CHD4: variants seen among roughly 807,000 people sequenced by gnomAD.
The protein encoded by CHD4 is ATP-dependent chromatin remodeler CHD4.
CHD4 carries 35 observed loss-of-function variants against 235.5 expected under a neutral mutation model. That is an observed-to-expected ratio of 0.15 (90% CI 0.11 to 0.20). CHD4 has a LOEUF of 0.20. Ranked by LOEUF, CHD4 falls within the 10% of genes least tolerant of loss-of-function variation. The pLI is 1.00. For synonymous variants in CHD4, 900 were observed against 850.2 expected (o/e 1.06, Z -1.02); for missense variants, 1,329 against 2,432.3 (o/e 0.55, Z 9.54).
Position 6,602,015 on chromosome 12 carries a change from C to T in CHD4, c.383G>A (p.Ser128Asn). ...CTCCTCCTCCTTCCGCTTGGATTTGCTCTTCTTCTCTTTCTTAGGTCCAAG... is the reference window on the plus strand; with the variant it reads ...CTCCTCCTCCTTCCGCTTGGATTTGTTCTTCTTCTCTTTCTTAGGTCCAAG... Reference protein sequence around the residue: ...KKLGPKKEKKSKSKRKEEEEE... With the variant: ...KKLGPKKEKKNKSKRKEEEEE... The change falls in exon 4 of 40, where the codon AGC becomes AAC. Residue 128 changes from serine (S) to asparagine (N), a missense_variant. By Grantham distance (46) the Ser-to-Asn change is conservative. Coordinates refer to ENST00000544040, the MANE Select transcript of CHD4 (RefSeq NM_001273.5). 2 of 1,611,748 alleles carry T rather than the reference C, an allele frequency of 1.2e-6. No individual in the cohort carries two copies. Among genetic ancestry groups the T allele is most frequent in the Non-Finnish European group, 1.7e-6 (2 of 1,179,934 alleles).
intron 38 of CHD4, 140 bp from the exon 39 acceptor site, chr12:6,571,172 C>T (rs898251843): frequency 1.0e-6 from 1 of 997,484 alleles, no homozygotes; most frequent in Non-Finnish European, 1.5e-6. Flanking sequence ...CTGACCTCCA[C>T]CATGTTCAAA....
chr12:6,587,613 G>A (rs1328889739), intron 24 of CHD4, 54 bp from the exon 25 acceptor site: 1 of 1,607,974 alleles, frequency 6.2e-7, no homozygotes, highest in Non-Finnish European at 8.5e-7. Flanking sequence ...AGCTGCAGTG[G>A]AAAAAGCAAG....
chr12:6,602,321 T>G, intron 3 of CHD4, 55 bp downstream of exon 3: 1 of 1,609,834 alleles, frequency 6.2e-7, no homozygotes, highest in African/African-American at 1.3e-5. Flanking sequence ...TCAACCCTTC[T>G]CAGAGCTCCT....
At chr12:6,592,084 T>G in intron 19 of CHD4, 27 bp from the exon 20 acceptor site, 2 of 1,613,660 alleles carry the variant, frequency 1.2e-6, no homozygotes, top group Non-Finnish European at 1.7e-6. Flanking sequence ...GAAAGACAGG[T>G]TAGACTTGAG....
Position 6,587,890 on chromosome 12 carries a change from C to T in CHD4, c.3525G>A (p.Val1175=), listed in dbSNP as rs1302476655. ...QNKKVMIYRF[V]TRASVEERIT... is the part of the protein sequence containing the mutation. ...TGCGCTCCTCCACTGACGCACGGGT[C>T]ACAAACCGGTAGATCATTACCTTTT... Residue 1175 remains valine (V), a synonymous_variant, in exon 24 of 40, where the codon GTG becomes GTA. Coordinates refer to ENST00000544040, the MANE Select transcript of CHD4 (RefSeq NM_001273.5). 1.9e-6 allele frequency: 3 copies of T among 1,614,238 alleles called. No homozygotes were observed. The highest frequency in any genetic ancestry group is 2.5e-6 in the Non-Finnish European group (3 of 1,180,046).
intron 12 of CHD4, among the ~76,000 whole-genome samples, 158 bp from the exon 13 acceptor site, chr12:6,596,295 A>G (rs1208812459): frequency 6.6e-6 from 1 of 152,174 alleles, no homozygotes; most frequent in Non-Finnish European, 1.5e-5. Flanking sequence ...CTGACCAAAA[A>G]TTATCTCTAA....
intron 22 of CHD4, 109 bp from the exon 23 acceptor site, chr12:6,588,531 A>G: frequency 8.1e-7 from 1 of 1,232,690 alleles, no homozygotes; most frequent in South Asian, 1.4e-5. Context: ...TAATCTCAGC[A>G]CTTTGGGAGG....
At chr12:6,597,147 T>C (rs1376710686) in intron 12 of CHD4, among the ~76,000 whole-genome samples, 3 of 144,470 alleles carry the variant, frequency 2.1e-5, no homozygotes, top group South Asian at 4.5e-4. Context: ...ATGGTGGCGA[T>C]GGCCTGTAGT....
rs57266458 is a variant in CHD4 at position 6,580,704 on chromosome 12, G to GAAAAAAAAAAAA, written c.4909+328_4909+339dup. 5.4e-3 allele frequency: 233 copies of GAAAAAAAAAAAA among 43,392 alleles called. 7 individuals are homozygous for GAAAAAAAAAAAA. Among genetic ancestry groups the GAAAAAAAAAAAA allele is most frequent in the Non-Finnish European group, 6.9e-3 (169 of 24,340 alleles). The allele number at this position is 43,392 out of a possible 1,614,324, so 2.7% of individuals were successfully genotyped here. ...CCTGGGCAACGAGTAAAACTCCTTTGAAAAAAAAAAAAAAAAAAAAAAAGC... is the reference window on the plus strand; with the variant it reads ...CCTGGGCAACGAGTAAAACTCCTTTGAAAAAAAAAAAAAAAAAAAAAAAAAAAAAAAAAAAGC... On this transcript the variant is annotated intron_variant, in intron 33 of 39. Transcript: ENST00000544040.
intron 22 of CHD4, 65 bp downstream of exon 22, chr12:6,591,400 GA>G: frequency 8.1e-7 from 1 of 1,229,896 alleles, no homozygotes; most frequent in Admixed American, 2.0e-5. Context: ...AGATGCACAA[GA>G]AGTTACAGTC....
At chr12:6,584,060 C>T (rs1380433055) in intron 25 of CHD4, 4 of 152,056 alleles carry the variant, frequency 2.6e-5, no homozygotes, top group East Asian at 1.9e-4. Flanking sequence ...CCACGGGTTC[C>T]GCACCTGTGG....
At chr12:6,595,893 G>T in intron 13 of CHD4, 113 bp downstream of exon 13, 2 of 1,200,424 alleles carry the variant, frequency 1.7e-6, no homozygotes, top group Non-Finnish European at 2.3e-6. Flanking sequence ...GGAAGTCGGA[G>T]GTTGCAGTGA....
In CHD4 at chr12:6,597,877, G is replaced by A. The variant is rs371614957; in HGVS notation, c.1892+17C>T. The A allele has an allele frequency of 2.5e-5, 41 of 1,611,972 alleles. No homozygotes were observed. Among genetic ancestry groups the A allele is most frequent in the Middle Eastern group, 3.3e-4 (2 of 6,026 alleles). On this transcript the variant is annotated intron_variant, in intron 12 of 39. Coordinates refer to ENST00000544040, the MANE Select transcript of CHD4 (RefSeq NM_001273.5). ...CTCCCACGGAGACTGCCCGTCTCCCGTGTGCTCAGCTGGTACCTGTGGTTG... is the reference window on the plus strand; with the variant it reads ...CTCCCACGGAGACTGCCCGTCTCCCATGTGCTCAGCTGGTACCTGTGGTTG...
intron 23 of CHD4, 144 bp from the exon 24 acceptor site, chr12:6,588,093 CCAGACACCACCCTCTATTAT>C: frequency 9.1e-7 from 1 of 1,100,094 alleles, no homozygotes; most frequent in African/African-American, 1.6e-5. Context: ...ACCCCTGCCT[CCAGACACCACCCTCTATTAT>C]CATGTTACCC....
chr12:6,584,919 A>G (rs1948254867), intron 25 of CHD4, among the ~76,000 whole-genome samples: 1 of 152,250 alleles, frequency 6.6e-6, no homozygotes, highest in Non-Finnish European at 1.5e-5. Context: ...CTGATTGAAC[A>G]CTACGGTACA....
intron 37 of CHD4, among the ~76,000 whole-genome samples, chr12:6,576,718 G>C (rs975539036): frequency 6.6e-6 from 1 of 152,120 alleles, no homozygotes; most frequent in African/African-American, 2.4e-5. Context: ...CGATTCTGGA[G>C]AACTTTCTTA....
At chr12:6,603,716 A>G (rs1381756416) in intron 2 of CHD4, among the ~76,000 whole-genome samples, 1 of 152,198 alleles carries the variant, frequency 6.6e-6, no homozygotes, top group Non-Finnish European at 1.5e-5. Context: ...ACATGAAGGT[A>G]ATACTAAGAG....
In CHD4 at chr12:6,588,260, C is replaced by T. The variant is rs768062204; in HGVS notation, c.3465+38G>A. The T allele has an allele frequency of 4.6e-5, 74 of 1,606,990 alleles. No individual in the cohort carries two copies. The South Asian group carries it at 7.9e-4, about 17-fold the overall frequency. On this transcript the variant is annotated intron_variant, in intron 23 of 39. Transcript: ENST00000544040. ...AGGCCACTATGCCTTTCTAGCATAA[C>T]ATGTTACTTATTAAGGCTGCCTGCT... is the stretch of plus-strand genomic sequence containing the variant.
At position 6,581,082 on chromosome 12, in the gene CHD4, T is replaced by C. The variant is rs142136215; in HGVS notation, c.4871A>G (p.Lys1624Arg). The change falls in exon 33 of 40, where the codon AAG (lysine) becomes AGG (arginine). Residue 1624 changes from lysine to arginine, a missense_variant. Physicochemically the swap from Lys to Arg is conservative, Grantham distance 26. Transcript: ENST00000544040. ...GEEKVEKAEV[K>R]ERTEEPMETE... Reference sequence around the variant, plus strand: ...CTCCATAGGTTCCTCTGTTCTCTCCTTCACCTCTGCCTTTTCCACTTTCTC... The same window carrying C: ...CTCCATAGGTTCCTCTGTTCTCTCCCTCACCTCTGCCTTTTCCACTTTCTC... 4 of 1,614,174 alleles carry C rather than the reference T, an allele frequency of 2.5e-6. No individual in the cohort carries two copies. The highest frequency in any genetic ancestry group is 3.4e-6 in the Non-Finnish European group (4 of 1,180,024).
Sources: allele counts gnomAD v4.1 joint callset (sites outside exome capture counted in the v4.1 genomes callset), GRCh38; gene constraint gnomAD v4.1.1; transcripts MANE v1.5; gene names NCBI Gene and HGNC (gene_info 2026-07-23, HGNC 2026-07-21).